Variants in CNTLN observed in about 807,000 individuals in gnomAD.
The protein encoded by CNTLN is centlein, also known as centlein, centrosomal protein.
In CNTLN, 212 loss-of-function variants were observed where a neutral mutation model predicts 180.0. The observed-to-expected ratio is 1.18, with a 90% CI of 1.05 to 1.32. The LOEUF (loss-of-function observed/expected upper bound fraction) is 1.32, where lower values mean the gene tolerates loss of function less well. CNTLN is among the 40% of genes most tolerant of loss of function. CNTLN has a pLI of 0.00. For missense variants in CNTLN, 2,095 were observed against 1,610.9 expected (o/e 1.30, Z -5.14); for synonymous variants, 722 against 563.1 (o/e 1.28, Z -3.99).
At chr9:17,162,853 C>T (rs936603395) in intron 2 of CNTLN, among the ~76,000 whole-genome samples, 4 of 152,140 alleles carry the variant, frequency 2.6e-5, no homozygotes, top group Non-Finnish European at 5.9e-5. Context: ...GGAGTGACTT[C>T]TCACATTAAT....
chr9:17,521,210 A>G, the CNTLN span, among the ~76,000 whole-genome samples: 1 of 151,092 alleles, frequency 6.6e-6, no homozygotes, highest in African/African-American at 2.4e-5. Flanking sequence ...TTCCCAGAAG[A>G]CAGAAAAGAG....
chr9:17,194,064 C>T (rs1821964080), intron 2 of CNTLN, among the ~76,000 whole-genome samples: 1 of 152,176 alleles, frequency 6.6e-6, no homozygotes, highest in African/African-American at 2.4e-5. Flanking sequence ...CACCAAGTCC[C>T]TAGGCTGCAC....
At chr9:17,454,944 TAAAC>T (rs1425020903) in intron 18 of CNTLN, among the ~76,000 whole-genome samples, 1 of 152,220 alleles carries the variant, frequency 6.6e-6, no homozygotes, top group Non-Finnish European at 1.5e-5. Context: ...ATGCTGCTAA[TAAAC>T]AAGAAAAATC....
chr9:17,220,670 A>G (rs1824070389), intron 2 of CNTLN, among the ~76,000 whole-genome samples: 1 of 152,170 alleles, frequency 6.6e-6, no homozygotes. Flanking sequence ...TCCCGCTTAT[A>G]GGCGAGAACA....
chr9:17,202,646 GTTTTT>G lies in CNTLN; in HGVS notation c.450-23537_450-23533del, dbSNP rs57960408. Among the ~76,000 whole-genome samples the G allele has an allele frequency of 4.7e-3, 334 of 71,472 alleles. 5 individuals carry two copies. In the East Asian group the frequency reaches 0.074, roughly 16 times the overall value. 46.9% of individuals were successfully genotyped at this position (71,472 alleles called of 152,430 possible). A position where few individuals can be genotyped will look rare whatever the true frequency, so the allele number is the denominator to read the frequency against. ...ATCAGAGCCTAGGATTGCAACCTCTGTTTTTTTTTTTTTTTTTTTTTTTTGTTGCT... is the reference window on the plus strand; with the variant it reads ...ATCAGAGCCTAGGATTGCAACCTCTGTTTTTTTTTTTTTTTTTTTGTTGCT... On this transcript the variant is annotated intron_variant, in intron 2 of 25. Transcript: ENST00000380647.
intron 5 of CNTLN, among the ~76,000 whole-genome samples, chr9:17,249,256 T>A (rs1329569927): frequency 1.3e-5 from 2 of 152,074 alleles, no homozygotes; most frequent in African/African-American, 4.8e-5. Context: ...CATGGTATAG[T>A]TTTGTCGTGT....
chr9:17,352,508 A>G (rs1006689264), intron 12 of CNTLN, among the ~76,000 whole-genome samples: 31 of 151,626 alleles, frequency 2.0e-4, no homozygotes, highest in African/African-American at 5.6e-4. Context: ...ATGTCTGCCA[A>G]TGATGACATA....
chr9:17,435,288 C>T (rs1020348927), intron 18 of CNTLN, among the ~76,000 whole-genome samples: 5 of 152,198 alleles, frequency 3.3e-5, no homozygotes, highest in African/African-American at 1.2e-4. Context: ...CTGGTCTCAT[C>T]TGCTTTATAG....
intron 7 of CNTLN, among the ~76,000 whole-genome samples, chr9:17,303,593 G>A (rs1189506148): frequency 6.6e-6 from 1 of 151,884 alleles, no homozygotes; most frequent in East Asian, 1.9e-4. Context: ...TGTAGTGCAG[G>A]ATTTTAAAAT....
At chr9:17,313,620 C>T (rs766853030) in intron 8 of CNTLN, among the ~76,000 whole-genome samples, 2 of 151,912 alleles carry the variant, frequency 1.3e-5, no homozygotes, top group Non-Finnish European at 1.5e-5. Flanking sequence ...TATAGTAATC[C>T]ATCTTGTGGT....
intron 2 of CNTLN, among the ~76,000 whole-genome samples, chr9:17,150,856 G>C (rs1467622713): frequency 1.3e-5 from 2 of 152,166 alleles, no homozygotes; most frequent in Admixed American, 6.5e-5. Context: ...TCCTTGAACA[G>C]GTCCTTCACA....
At chr9:17,511,980 T>C in the CNTLN span, among the ~76,000 whole-genome samples, 45,662 of 152,042 alleles carry the variant, frequency 0.3, 8,503 homozygotes, top group African/African-American at 0.52. Context: ...AAAAGAACCC[T>C]GCCTAGAGTG....
At chr9:17,397,573 GTT>G (rs1471468954) in intron 15 of CNTLN, among the ~76,000 whole-genome samples, 6 of 152,156 alleles carry the variant, frequency 3.9e-5, no homozygotes, top group Non-Finnish European at 8.8e-5. Context: ...ACTGCAGGCT[GTT>G]TCATCAGCAA....
intron 6 of CNTLN, among the ~76,000 whole-genome samples, chr9:17,292,109 G>A (rs1318021128): frequency 2.0e-5 from 3 of 152,172 alleles, no homozygotes; most frequent in Non-Finnish European, 4.4e-5. Context: ...TTTTCTTTAA[G>A]AATATTGAAT....
intron 5 of CNTLN, among the ~76,000 whole-genome samples, chr9:17,245,009 T>C (rs1825718250): frequency 6.6e-6 from 1 of 152,208 alleles, no homozygotes; most frequent in Admixed American, 6.5e-5. Flanking sequence ...TATTATGTTT[T>C]GAAAGTTGTC....
At chr9:17,212,449 T>C (rs919717486) in intron 2 of CNTLN, among the ~76,000 whole-genome samples, 6 of 152,208 alleles carry the variant, frequency 3.9e-5, no homozygotes, top group African/African-American at 1.2e-4. Context: ...CTGCTGGATT[T>C]GGTTTGCCAG....
intron 11 of CNTLN, among the ~76,000 whole-genome samples, chr9:17,341,775 AT>A (rs1821498657): frequency 6.6e-6 from 1 of 152,104 alleles, no homozygotes; most frequent in Non-Finnish European, 1.5e-5. Context: ...GTCACATCTA[AT>A]TTTTTTCTTT....
At chr9:17,488,188 G>C (rs556915690) in intron 25 of CNTLN, among the ~76,000 whole-genome samples, 1 of 152,212 alleles carries the variant, frequency 6.6e-6, no homozygotes, top group African/African-American at 2.4e-5. Flanking sequence ...ATTCATGTTA[G>C]TATCAGTTTG....
At chr9:17,517,278 A>G in the CNTLN span, among the ~76,000 whole-genome samples, 1 of 151,720 alleles carries the variant, frequency 6.6e-6, no homozygotes, top group Non-Finnish European at 1.5e-5. Context: ...TGTAGTCCCA[A>G]CTACTGGTGA....
Sources: allele counts gnomAD v4.1 joint callset (sites outside exome capture counted in the v4.1 genomes callset), GRCh38; gene constraint gnomAD v4.1.1; transcripts MANE v1.5; gene names NCBI Gene and HGNC (gene_info 2026-07-23, HGNC 2026-07-21).